Variants in METAP1D observed in about 807,000 individuals in gnomAD.
METAP1D encodes methionine aminopeptidase 1D, mitochondrial.
Under a neutral mutation model 40.5 loss-of-function variants are expected in METAP1D, and 31 were observed. The observed-to-expected ratio is 0.77, with a 90% CI of 0.58 to 1.03. The LOEUF is 1.03. Ranked by LOEUF, METAP1D falls within the 50% of genes least tolerant of loss-of-function variation. METAP1D has a pLI of 0.00. For synonymous variants in METAP1D, 151 were observed against 146.4 expected, an observed-to-expected ratio of 1.03 and a Z score of -0.22; for missense variants, 411 against 420.7, an observed-to-expected ratio of 0.98 and a Z score of 0.20.
chr2:172,005,147 C>A (rs976082479), intron 1 of METAP1D, among the ~76,000 whole-genome samples: 1 of 151,972 alleles, frequency 6.6e-6, no homozygotes, highest in Non-Finnish European at 1.5e-5. Context: ...AGTTTTCTTT[C>A]TTTCTTATTT....
At chr2:172,045,860 T>G (rs1217747811) in intron 1 of METAP1D, among the ~76,000 whole-genome samples, 2 of 121,568 alleles carry the variant, frequency 1.6e-5, no homozygotes, top group African/African-American at 6.4e-5. Flanking sequence ...TATATATATA[T>G]ATATGACGGA....
intron 1 of METAP1D, among the ~76,000 whole-genome samples, chr2:172,012,150 G>A (rs1400286818): frequency 1.3e-5 from 2 of 152,160 alleles, no homozygotes; most frequent in Non-Finnish European, 2.9e-5. Flanking sequence ...AGATCAAATA[G>A]AAATAGGTCA....
At chr2:172,062,447 C>CA (rs1171632320) in intron 2 of METAP1D, among the ~76,000 whole-genome samples, 1 of 152,162 alleles carries the variant, frequency 6.6e-6, no homozygotes, top group Admixed American at 6.5e-5. Flanking sequence ...GTATTAGTTA[C>CA]AAAACTGACA....
At chr2:172,073,036 C>CA (rs1006444284) in intron 6 of METAP1D, among the ~76,000 whole-genome samples, 4 of 151,664 alleles carry the variant, frequency 2.6e-5, no homozygotes, top group South Asian at 4.2e-4. Flanking sequence ...CTTTTAGTCA[C>CA]AAAAAAAACT....
intron 1 of METAP1D, among the ~76,000 whole-genome samples, chr2:172,016,258 AGAGT>A (rs1215304259): frequency 8.5e-6 from 1 of 117,664 alleles, no homozygotes; most frequent in East Asian, 2.6e-4. Context: ...CCTGGGTGAC[AGAGT>A]GAGACCCTGT....
Position 172,063,873 on chromosome 2 carries a change from C to T in METAP1D, c.348+13C>T. On this transcript the variant is annotated intron_variant, in intron 3 of 9. Coordinates refer to ENST00000315796, the MANE Select transcript of METAP1D (RefSeq NM_199227.3). ...GAAGAGTTTAAAGGTGGCGTCTCAC[C>T]AAGCCTCAGAACGACTTACATAAGG... 2 of 1,600,332 alleles carry T rather than the reference C, an allele frequency of 1.2e-6. No individual in the cohort carries two copies. The highest frequency in any genetic ancestry group is 1.7e-6 in the Non-Finnish European group (2 of 1,174,956).
chr2:172,006,178 T>C (rs1173017643), intron 1 of METAP1D, among the ~76,000 whole-genome samples: 1 of 108,520 alleles, frequency 9.2e-6, no homozygotes, highest in African/African-American at 3.4e-5. Flanking sequence ...CAGATATTTA[T>C]AGTTTTTGTT....
intron 1 of METAP1D, among the ~76,000 whole-genome samples, chr2:172,018,305 A>G (rs887232986): frequency 2.6e-5 from 4 of 152,196 alleles, no homozygotes; most frequent in African/African-American, 9.6e-5. Flanking sequence ...ACCCTATAAG[A>G]TTAGAGAACA....
In METAP1D at chr2:172,011,433, C is replaced by T. The variant is rs188084285; in HGVS notation, c.40+11424C>T. 1.4e-3 allele frequency among the ~76,000 whole-genome samples: 207 copies of T among 151,964 alleles called. 1 individual carries two copies. Among genetic ancestry groups the T allele is most frequent in the Non-Finnish European group, 2.2e-3 (148 of 67,958 alleles). ...CAGAGTAGCTGGGACTACAGGCGCC[C>T]GCCACCACGCCCAGCTAATTTTTTG... On this transcript the variant is annotated intron_variant, in intron 1 of 9. Transcript: ENST00000315796.
At chr2:172,059,216 C>T (rs963364844) in intron 1 of METAP1D, among the ~76,000 whole-genome samples, 2 of 151,540 alleles carry the variant, frequency 1.3e-5, no homozygotes, top group Middle Eastern at 3.4e-3. Flanking sequence ...TCGAGTAGTT[C>T]TCCTGCCTTA....
intron 1 of METAP1D, among the ~76,000 whole-genome samples, chr2:172,041,752 A>ATATATATATATG (rs1689536665): frequency 3.4e-5 from 3 of 87,640 alleles, no homozygotes; most frequent in Non-Finnish European, 7.8e-5. Context: ...ATATATATAT[A>ATATATATATATG]TATATATATA....
At chr2:172,014,474 T>C (rs1026084191) in intron 1 of METAP1D, among the ~76,000 whole-genome samples, 1 of 152,198 alleles carries the variant, frequency 6.6e-6, no homozygotes, top group Non-Finnish European at 1.5e-5. Context: ...TACATTGGGA[T>C]TATTTTAGGT....
At chr2:172,071,912 G>A (rs531739485) in intron 6 of METAP1D, among the ~76,000 whole-genome samples, 2 of 152,012 alleles carry the variant, frequency 1.3e-5, no homozygotes, top group East Asian at 1.9e-4. Context: ...TTTTTTCTTC[G>A]TAAGCCTTCA....
chr2:172,004,522 G>A (rs1039334361), intron 1 of METAP1D, among the ~76,000 whole-genome samples: 4 of 151,786 alleles, frequency 2.6e-5, no homozygotes, highest in Admixed American at 2.6e-4. Context: ...CGGGGGTTTC[G>A]CCATGTTGGC....
intron 1 of METAP1D, among the ~76,000 whole-genome samples, chr2:172,005,909 A>C (rs1558990441): frequency 2.0e-5 from 3 of 152,042 alleles, no homozygotes. Context: ...TCTCCCATTG[A>C]AATTATGAAA....
intron 1 of METAP1D, among the ~76,000 whole-genome samples, chr2:172,038,408 C>T (rs1319875840): frequency 6.6e-6 from 1 of 152,126 alleles, no homozygotes; most frequent in African/African-American, 2.4e-5. Flanking sequence ...TCATTGACTA[C>T]CTGAACACTC....
intron 3 of METAP1D, among the ~76,000 whole-genome samples, chr2:172,064,619 CAAA>C (rs35487971): frequency 1.7e-4 from 18 of 103,288 alleles, no homozygotes; most frequent in Admixed American, 2.0e-4. Context: ...GACTCCATCT[CAAA>C]AAAAAAAAAA....
At chr2:172,039,912 T>C (rs527999749) in intron 1 of METAP1D, among the ~76,000 whole-genome samples, 17 of 152,198 alleles carry the variant, frequency 1.1e-4, no homozygotes, top group African/African-American at 3.6e-4. Flanking sequence ...CCTGACCTCG[T>C]GATCTGCCCA....
intron 1 of METAP1D, among the ~76,000 whole-genome samples, chr2:172,012,682 C>T (rs890186224): frequency 1.3e-5 from 2 of 152,280 alleles, no homozygotes; most frequent in East Asian, 1.9e-4. Context: ...TTGTTTTCTA[C>T]CTTAATGTTA....
Sources: allele counts gnomAD v4.1 joint callset (sites outside exome capture counted in the v4.1 genomes callset), GRCh38; gene constraint gnomAD v4.1.1; transcripts MANE v1.5; gene names NCBI Gene and HGNC (gene_info 2026-07-23, HGNC 2026-07-21).